The following PRELID2 variants were observed in gnomAD, a reference collection of about 807,000 sequenced individuals.
The protein encoded by PRELID2 is PRELI domain containing 2, also known as PRELI domain-containing protein 2.
In PRELID2, 25 loss-of-function variants were observed where a neutral mutation model predicts 28.4. That is an observed-to-expected ratio of 0.88 (90% CI 0.64 to 1.23). The LOEUF (loss-of-function observed/expected upper bound fraction) is 1.23. Among genes scored for constraint, PRELID2 ranks in the 50% most tolerant of loss-of-function variants. The pLI is 0.00. For missense variants in PRELID2, 201 were observed against 214.4 expected, an observed-to-expected ratio of 0.94 and a Z score of 0.39; for synonymous variants, 76 against 71.6, an observed-to-expected ratio of 1.06 and a Z score of -0.31.
chr5:145,421,764 C>A, the PRELID2 span, among the ~76,000 whole-genome samples: 10 of 135,792 alleles, frequency 7.4e-5, no homozygotes, highest in African/African-American at 2.4e-4. Context: ...TTATTTCTTG[C>A]CTTCTGCTAG....
At chr5:145,303,398 C>A in the PRELID2 span, among the ~76,000 whole-genome samples, 6 of 152,104 alleles carry the variant, frequency 3.9e-5, no homozygotes, top group African/African-American at 1.4e-4. Context: ...GACTGTCACC[C>A]AGAAGATTTA....
chr5:145,541,232 G>T (rs183166194), intron 1 of PRELID2, among the ~76,000 whole-genome samples: 1 of 152,112 alleles, frequency 6.6e-6, no homozygotes, highest in Non-Finnish European at 1.5e-5. Flanking sequence ...ATAAGGTGAT[G>T]TAATAGTGTA....
the PRELID2 span, among the ~76,000 whole-genome samples, chr5:145,354,742 G>T: frequency 3.9e-5 from 6 of 152,118 alleles, no homozygotes. Flanking sequence ...TCAGAGAGAG[G>T]AGTAGATAGG....
chr5:145,690,104 C>A (rs2149695002), intron 1 of PRELID2, among the ~76,000 whole-genome samples: 1 of 151,798 alleles, frequency 6.6e-6, no homozygotes, highest in East Asian at 1.9e-4. Flanking sequence ...ATTTTAGTGC[C>A]TCAGCCTCTT....
intron 1 of PRELID2, among the ~76,000 whole-genome samples, chr5:145,562,727 TGAAAA>T: frequency 6.6e-6 from 1 of 151,360 alleles, no homozygotes; most frequent in Non-Finnish European, 1.5e-5. Flanking sequence ...TTATAAATCA[TGAAAA>T]AGAACCATAG....
At chr5:145,324,775 C>A in the PRELID2 span, among the ~76,000 whole-genome samples, 3 of 152,216 alleles carry the variant, frequency 2.0e-5, no homozygotes, top group South Asian at 4.1e-4. Context: ...TTATTTATAT[C>A]AGCCCATTCC....
chr5:145,713,646 T>A, intron 1 of PRELID2, among the ~76,000 whole-genome samples: 4 of 95,874 alleles, frequency 4.2e-5, no homozygotes, highest in South Asian at 3.7e-4. Flanking sequence ...TTATATATAC[T>A]ATATATAAAG....
chr5:145,662,640 G>T (rs1396990167), intron 1 of PRELID2, among the ~76,000 whole-genome samples: 6 of 152,006 alleles, frequency 3.9e-5, no homozygotes, highest in Non-Finnish European at 8.8e-5. Flanking sequence ...ATGGGTTAAT[G>T]GATTAATGGG....
chr5:145,652,022 T>C (rs933133064), intron 1 of PRELID2, among the ~76,000 whole-genome samples: 2 of 152,134 alleles, frequency 1.3e-5, no homozygotes, highest in African/African-American at 4.8e-5. Context: ...TTTAGACAGA[T>C]GGCTAACCAA....
chr5:145,543,045 T>C (rs572302147), intron 1 of PRELID2, among the ~76,000 whole-genome samples: 4 of 152,208 alleles, frequency 2.6e-5, no homozygotes, highest in Admixed American at 6.6e-5. Flanking sequence ...CTTCCATTCA[T>C]GTTAGATTTC....
chr5:145,620,687 A>G (rs541288568), intron 1 of PRELID2, among the ~76,000 whole-genome samples: 1 of 152,268 alleles, frequency 6.6e-6, no homozygotes, highest in South Asian at 2.1e-4. Context: ...CCTCGGTAAC[A>G]TGGCAAAATG....
chr5:145,503,969 C>T (rs1181285806), intron 1 of PRELID2, among the ~76,000 whole-genome samples: 1 of 152,162 alleles, frequency 6.6e-6, no homozygotes, highest in Non-Finnish European at 1.5e-5. Context: ...TTACACTGGA[C>T]CAGGCTCTGT....
At chr5:145,307,230 TCATGGATACTGGAG>T in the PRELID2 span, among the ~76,000 whole-genome samples, 1 of 152,150 alleles carries the variant, frequency 6.6e-6, no homozygotes, top group Non-Finnish European at 1.5e-5. Context: ...GTTGGGGCAG[TCATGGATACTGGAG>T]CCTCCAGAGC....
intron 1 of PRELID2, among the ~76,000 whole-genome samples, chr5:145,673,928 A>G (rs1754761643): frequency 6.6e-6 from 1 of 152,200 alleles, no homozygotes; most frequent in Non-Finnish European, 1.5e-5. Context: ...TTCTTTCCAT[A>G]TTCTAGGCAA....
the PRELID2 span, among the ~76,000 whole-genome samples, chr5:145,303,167 T>C: frequency 2.6e-5 from 4 of 152,168 alleles, no homozygotes; most frequent in African/African-American, 9.7e-5. Context: ...TTAAATAACA[T>C]TTGTAAAGCA....
chr5:145,478,319 G>A (rs373719927), intron 1 of PRELID2, among the ~76,000 whole-genome samples: 39 of 152,174 alleles, frequency 2.6e-4, no homozygotes, highest in South Asian at 2.1e-3. Context: ...AGGCAGAAGC[G>A]GGCAGATCAT....
At chr5:145,647,817 C>T (rs769553783) in intron 1 of PRELID2, among the ~76,000 whole-genome samples, 1 of 152,160 alleles carries the variant, frequency 6.6e-6, no homozygotes, top group African/African-American at 2.4e-5. Flanking sequence ...TTGCGCTTCC[C>T]GGGTTATGCG....
At chr5:145,764,186 A>G (rs557284356) in intron 6 of PRELID2, among the ~76,000 whole-genome samples, 1 of 152,242 alleles carries the variant, frequency 6.6e-6, no homozygotes, top group South Asian at 2.1e-4. Flanking sequence ...TCTTTCTTAA[A>G]TAACTCTGCC....
the PRELID2 span, among the ~76,000 whole-genome samples, chr5:145,350,887 G>T: frequency 6.6e-6 from 1 of 152,188 alleles, no homozygotes; most frequent in South Asian, 2.1e-4. Context: ...TGGCTTGTGA[G>T]ATTTGGTCTT....
Sources: gnomAD v4.1 joint callset for allele counts (sites outside exome capture counted in the v4.1 genomes callset) on GRCh38, gnomAD v4.1.1 for gene constraint, MANE v1.5 for transcripts, NCBI Gene and HGNC (gene_info 2026-07-23, HGNC 2026-07-21) for gene names.